FAM184A: variants seen among roughly 807,000 people sequenced by gnomAD.
FAM184A encodes family with sequence similarity 184 member A, also known as protein FAM184A.
A neutral mutation model predicts 143.8 loss-of-function variants in FAM184A; 99 were observed. That is an observed-to-expected ratio of 0.69 (90% CI 0.58 to 0.81). The LOEUF is 0.81. FAM184A is among the 40% of genes least tolerant of loss of function. The probability of loss-of-function intolerance (pLI) is 0.00; values close to 1 mark genes in which losing one functional copy is unlikely to be tolerated. For missense variants in FAM184A, 1,217 were observed against 1,310.5 expected (o/e 0.93, Z 1.10); for synonymous variants, 427 against 446.4 (o/e 0.96, Z 0.55).
At chr6:119,099,699 G>A (rs7746624) in intron 1 of FAM184A, among the ~76,000 whole-genome samples, 95,561 of 151,410 alleles carry the variant, frequency 0.63, 30,819 homozygotes, top group East Asian at 0.96. Context: ...CGTAAAAGGC[G>A]CAAGAGGACA....
Position 119,024,378 on chromosome 6 carries a change from G to C in FAM184A, c.595C>G (p.Gln199Glu), listed in dbSNP as rs908032334. 6.2e-7 allele frequency: 1 copy of C among 1,614,014 alleles called. No individual in the cohort carries two copies. Among genetic ancestry groups the C allele is most frequent in the Non-Finnish European group, 8.5e-7 (1 of 1,180,042 alleles). Residue 199 changes from glutamine (Q) to glutamate (E), a missense_variant, in exon 2 of 18, where the codon CAA becomes GAA. Physicochemically the swap from Gln to Glu is conservative, Grantham distance 29 (BLOSUM62 2). Coordinates refer to ENST00000338891, the MANE Select transcript of FAM184A (RefSeq NM_024581.6). Reference protein sequence around the residue: ...DLQAAHRREIQELLKSQQDHS... With the variant: ...DLQAAHRREIEELLKSQQDHS... ...TCCTGCTGTGACTTCAATAGCTCTT[G>C]TATCTCCCGTCTGTGAGCAGCTTGC...
At chr6:119,142,258 C>T (rs1412370627) in intron 1 of FAM184A, among the ~76,000 whole-genome samples, 2 of 152,130 alleles carry the variant, frequency 1.3e-5, no homozygotes, top group East Asian at 1.9e-4. Context: ...ACTACTGAGT[C>T]GGCCGGGAAA....
chr6:118,986,250 G>A (rs892386639), intron 9 of FAM184A, among the ~76,000 whole-genome samples: 4 of 151,786 alleles, frequency 2.6e-5, no homozygotes, highest in Non-Finnish European at 2.9e-5. Flanking sequence ...CCGAGATTGC[G>A]CCACTGCACT....
rs1787964371 is a variant in FAM184A at position 119,078,516 on chromosome 6, G to A, written c.-217C>T. 1 of 372,224 alleles carries A rather than the reference G, an allele frequency of 2.7e-6. No individual in the cohort carries two copies. Among genetic ancestry groups the A allele is most frequent in the African/African-American group, 2.1e-5 (1 of 47,396 alleles). The allele number at this position is 372,224 out of a possible 1,614,324, so 23.1% of individuals were successfully genotyped here. A position where few individuals can be genotyped will look rare whatever the true frequency, so the allele number is the denominator to read the frequency against. ...CCGGCCCGAAGCCGCGGGGACAACG[G>A]CGCGGGGCAGATGCCCGGGGTTGGG... On this transcript the variant is annotated 5_prime_UTR_variant, in exon 1 of 18. Coordinates refer to ENST00000338891, the MANE Select transcript of FAM184A (RefSeq NM_024581.6). The surrounding 1 kb of genome is among the most constrained non-coding windows in gnomAD (Gnocchi z 5.5).
intron 14 of FAM184A, 135 bp downstream of exon 14, chr6:118,974,293 C>T (rs1783780219): frequency 1.4e-6 from 1 of 708,610 alleles, no homozygotes; most frequent in African/African-American, 1.8e-5. Context: ...CAATTACCAT[C>T]TGTAACACAG....
At chr6:119,070,870 T>C (rs959082907) in intron 1 of FAM184A, among the ~76,000 whole-genome samples, 2 of 151,800 alleles carry the variant, frequency 1.3e-5, no homozygotes, top group East Asian at 3.9e-4. Flanking sequence ...TTTCATGGCA[T>C]AATATTCAAA....
At chr6:119,048,272 C>G (rs1252575030) in intron 1 of FAM184A, among the ~76,000 whole-genome samples, 2 of 152,182 alleles carry the variant, frequency 1.3e-5, no homozygotes, top group African/African-American at 4.8e-5. Flanking sequence ...CAGCCAACAT[C>G]ATACTGAATG....
At chr6:119,111,527 A>T (rs765912329) in intron 1 of FAM184A, among the ~76,000 whole-genome samples, 4 of 152,218 alleles carry the variant, frequency 2.6e-5, no homozygotes, top group African/African-American at 4.8e-5. Flanking sequence ...ATAATTTTTT[A>T]AAATGTTGAA....
At chr6:119,014,340 C>T (rs1480493596) in intron 5 of FAM184A, among the ~76,000 whole-genome samples, 1 of 152,200 alleles carries the variant, frequency 6.6e-6, no homozygotes, top group Non-Finnish European at 1.5e-5. Context: ...GAGCCTAAGG[C>T]ATAGCTTTTG....
rs143369566 is a variant in FAM184A, at chr6:119,143,641, C to T, written c.-202+5437G>A. Reference sequence around the variant, plus strand: ...ATTATCCAGCCTTAAGAAGGAGTGACGTTCTGACACATGCTACAGCTTAAA... The same window carrying T: ...ATTATCCAGCCTTAAGAAGGAGTGATGTTCTGACACATGCTACAGCTTAAA... On this transcript the variant is annotated intron_variant, in intron 1 of 16. Coordinates refer to the FAM184A transcript ENST00000352896. Among the ~76,000 whole-genome samples, 66 of 152,278 alleles carry T rather than the reference C, an allele frequency of 4.3e-4. No homozygotes were observed. The East Asian group carries it at 0.012, about 28-fold the overall frequency.
At chr6:119,023,648 C>T (rs901826980) in intron 2 of FAM184A, among the ~76,000 whole-genome samples, 1 of 149,270 alleles carries the variant, frequency 6.7e-6, no homozygotes, top group South Asian at 2.1e-4. Flanking sequence ...CCTGCCTGGG[C>T]CCCCCAAAGT....
At chr6:118,999,964 T>C (rs1230557799) in intron 9 of FAM184A, among the ~76,000 whole-genome samples, 1 of 152,172 alleles carries the variant, frequency 6.6e-6, no homozygotes, top group Non-Finnish European at 1.5e-5. Flanking sequence ...TCCTATTAGA[T>C]TGTAAATTTG....
chr6:119,063,247 A>T (rs1048844888), intron 1 of FAM184A, among the ~76,000 whole-genome samples: 1 of 152,176 alleles, frequency 6.6e-6, no homozygotes, highest in Non-Finnish European at 1.5e-5. Flanking sequence ...AATACATCAC[A>T]TGTTGCTGTA....
rs562356798 is a variant in FAM184A, at chr6:118,975,638, A to T, written c.2583+279T>A. On this transcript the variant is annotated intron_variant, in intron 12 of 17. Transcript: ENST00000338891. ...AAGGAGGCCCTCCTAAAACACACAC[A>T]TCACATGGCTTACAAAGCAGACTTA... Among the ~76,000 whole-genome samples, 12 of 152,340 alleles carry T rather than the reference A, an allele frequency of 7.9e-5. 1 individual carries two copies. Among genetic ancestry groups the T allele is most frequent in the African/African-American group, 2.9e-4 (12 of 41,598 alleles).
chr6:119,092,900 G>C (rs534252831), intron 1 of FAM184A, among the ~76,000 whole-genome samples: 2 of 152,172 alleles, frequency 1.3e-5, no homozygotes, highest in East Asian at 3.9e-4. Context: ...TTTGTAGGCT[G>C]CCTATCCATC....
At chr6:118,977,435 C>T (rs561517860) in intron 11 of FAM184A, among the ~76,000 whole-genome samples, 1 of 152,218 alleles carries the variant, frequency 6.6e-6, no homozygotes, top group Non-Finnish European at 1.5e-5. Context: ...CAAAAATTAG[C>T]TGGGTGTGGC....
At chr6:119,092,363 T>G (rs1582608593) in intron 1 of FAM184A, among the ~76,000 whole-genome samples, 1 of 152,282 alleles carries the variant, frequency 6.6e-6, no homozygotes, top group East Asian at 1.9e-4. Flanking sequence ...TTTTGAACTC[T>G]TGGGCTCAAG....
rs557836730 is a variant in FAM184A, at chr6:119,066,004, C to T, written c.159+12137G>A. On this transcript the variant is annotated intron_variant, in intron 1 of 17. Transcript: ENST00000338891. The stretch of plus-strand genomic sequence containing the variant: ...TATCTTTGCAGACAAGTAAGTTAAG[C>T]TTGATAGTTTCAGTAAAATAGCAGC... Among the ~76,000 whole-genome samples, 16 of 152,286 alleles carry T rather than the reference C, an allele frequency of 1.1e-4. No individual in the cohort carries two copies. The South Asian group carries it at 3.1e-3, about 30-fold the overall frequency.
rs780429880 is a variant in FAM184A, at chr6:118,979,497, G to A, written c.2323C>T (p.Gln775Ter). 1.2e-6 allele frequency: 2 copies of A among 1,610,156 alleles called. No homozygotes were observed. Among genetic ancestry groups the A allele is most frequent in the South Asian group, 2.2e-5 (2 of 89,746 alleles). Residue 775 changes from glutamine (Q) to a stop codon, truncating the protein, a stop_gained, in exon 11 of 18, where the codon CAG (glutamine) becomes TAG (stop). Transcript: ENST00000338891. LOFTEE classifies it high-confidence loss of function. The stretch of plus-strand genomic sequence containing the variant: ...GATTGAAGCTCTGCAGAATGCTTCT[G>A]TTGTAAATGATTTTCAAGAGCCTAG... Reference protein sequence around the residue: ...EQRALENHLQQKHSAELQSLK... With the variant: ...EQRALENHLQ
Sources: allele counts gnomAD v4.1 joint callset (sites outside exome capture counted in the v4.1 genomes callset), GRCh38; gene constraint gnomAD v4.1.1; non-coding constraint Gnocchi (gnomAD v3.1); transcripts MANE v1.5; gene names NCBI Gene and HGNC (gene_info 2026-07-23, HGNC 2026-07-21).